HLCS: variants seen among roughly 807,000 people sequenced by gnomAD.
HLCS encodes the protein biotin--protein ligase.
In HLCS, 53 loss-of-function variants were observed where a neutral mutation model predicts 75.0. The ratio of observed to expected loss-of-function variants is 0.71; its 90% CI spans 0.57 to 0.89. The LOEUF is 0.89. Ranked by LOEUF, HLCS falls within the 40% of genes least tolerant of loss-of-function variation. The pLI, the probability that HLCS is intolerant of heterozygous loss-of-function variation, is 0.00. For missense variants in HLCS, 966 were observed against 1,074.0 expected (o/e 0.90, Z 1.41); for synonymous variants, 431 against 428.6 (o/e 1.01, Z -0.07).
chr21:36,886,647 T>TTCC (rs1453048748), intron 6 of HLCS, among the ~76,000 whole-genome samples: 3 of 152,140 alleles, frequency 2.0e-5, no homozygotes, highest in Admixed American at 6.6e-5. Context: ...GATTGAATGT[T>TTCC]TGTGTTCCCT....
chr21:36,946,728 G>C (rs1038899160), intron 2 of HLCS, among the ~76,000 whole-genome samples: 1 of 152,110 alleles, frequency 6.6e-6, no homozygotes, highest in Non-Finnish European at 1.5e-5. Context: ...TTTGGACAAA[G>C]AGAAACTCCA....
chr21:36,830,355 C>G (rs2062159876), intron 6 of HLCS, among the ~76,000 whole-genome samples: 1 of 152,216 alleles, frequency 6.6e-6, no homozygotes, highest in African/African-American at 2.4e-5. Flanking sequence ...CTTTTCCCAT[C>G]CAGTCCTGTG....
At chr21:36,820,626 G>C (rs1249255719) in intron 6 of HLCS, among the ~76,000 whole-genome samples, 1 of 152,224 alleles carries the variant, frequency 6.6e-6, no homozygotes, top group Non-Finnish European at 1.5e-5. Flanking sequence ...ACAAGCACAG[G>C]CTTCTGGGAT....
chr21:36,946,820 G>A (rs1051890566), intron 2 of HLCS, among the ~76,000 whole-genome samples: 1 of 152,124 alleles, frequency 6.6e-6, no homozygotes, highest in Non-Finnish European at 1.5e-5. Context: ...ACACAGCCAA[G>A]GGAAGCAGAA....
chr21:36,935,376 G>A (rs539186356), intron 4 of HLCS, among the ~76,000 whole-genome samples: 28 of 152,108 alleles, frequency 1.8e-4, no homozygotes, highest in African/African-American at 5.5e-4. Flanking sequence ...CAAGTGAGTC[G>A]GCTTTAGAAT....
chr21:36,957,955 C>T (rs2068057021), intron 2 of HLCS, among the ~76,000 whole-genome samples: 3 of 149,026 alleles, frequency 2.0e-5, no homozygotes, highest in South Asian at 2.1e-4. Flanking sequence ...AGGCCGGGCG[C>T]GGTGGCTCAC....
chr21:36,774,982 C>A (rs1199624531), intron 6 of HLCS, among the ~76,000 whole-genome samples: 2 of 152,196 alleles, frequency 1.3e-5, no homozygotes, highest in Middle Eastern at 3.2e-3. Context: ...TGTTGGTATG[C>A]TTTAAATCAT....
At chr21:36,911,058 C>T (rs1396730399) in intron 5 of HLCS, among the ~76,000 whole-genome samples, 1 of 152,202 alleles carries the variant, frequency 6.6e-6, no homozygotes, top group Non-Finnish European at 1.5e-5. Flanking sequence ...GTTTATTTAG[C>T]CCACATTTTG....
At position 36,966,549 on chromosome 21, in the gene HLCS, A is replaced by G. The variant is rs2068598431; in HGVS notation, c.90T>C (p.Arg30=). ...AGAAGGTGAAGGAACAGCGCGAGGC[A>G]CGCAGCCGCCGCACCGTGGCGCGCA... is the stretch of plus-strand genomic sequence containing the variant. The part of the protein sequence containing the change: ...ELVRATVRRL[R]ASRCSFTFCG... The change falls in exon 1 of 11, where the codon CGT becomes CGC. Residue 30 remains arginine, a synonymous_variant. Coordinates refer to ENST00000674895, the MANE Select transcript of HLCS (RefSeq NM_001352514.2). 1 of 1,001,374 alleles carries G rather than the reference A, an allele frequency of 1.0e-6. No individual in the cohort carries two copies. Among genetic ancestry groups the G allele is most frequent in the Non-Finnish European group, 1.2e-6 (1 of 842,748 alleles). 62.0% of individuals were successfully genotyped at this position (1,001,374 alleles called of 1,614,324 possible).
rs1418146881 is a variant in HLCS, at chr21:36,930,263, C to T, written c.1608G>A (p.Leu536=). The T allele has an allele frequency of 4.3e-6, 7 of 1,614,174 alleles. No individual in the cohort carries two copies. The highest frequency in any genetic ancestry group is 5.9e-6 in the Non-Finnish European group (7 of 1,180,020). Residue 536 remains leucine, a synonymous_variant, in exon 5 of 11, where the codon CTG becomes CTA. Coordinates refer to ENST00000674895, the MANE Select transcript of HLCS (RefSeq NM_001352514.2). ...GCCCACAACTCACCTCCGCAGCTGA[C>T]AGCAAGTAAAGAGGAGTTAAGGCAG... ...QVPALTPLYL[L]SAAEEIRDPL... is the part of the protein sequence containing the mutation.
chr21:36,830,953 A>T (rs1363164761), intron 6 of HLCS, among the ~76,000 whole-genome samples: 1 of 151,840 alleles, frequency 6.6e-6, no homozygotes, highest in African/African-American at 2.4e-5. Context: ...GGGAGGAATC[A>T]CCCTAAGGCA....
At chr21:36,924,446 GC>G (rs1278571409) in intron 5 of HLCS, among the ~76,000 whole-genome samples, 1 of 152,156 alleles carries the variant, frequency 6.6e-6, no homozygotes, top group African/African-American at 2.4e-5. Context: ...TGTAACCCCA[GC>G]TACTTGGGAG....
At chr21:36,934,795 C>A (rs1352799343) in intron 4 of HLCS, among the ~76,000 whole-genome samples, 1 of 152,054 alleles carries the variant, frequency 6.6e-6, no homozygotes, top group African/African-American at 2.4e-5. Context: ...AACTAACCAG[C>A]CTGTGATAAT....
chr21:36,905,513 CTCT>C (rs1274499236), intron 5 of HLCS, among the ~76,000 whole-genome samples: 1 of 152,216 alleles, frequency 6.6e-6, no homozygotes, highest in South Asian at 2.1e-4. Flanking sequence ...TTTAGTATTT[CTCT>C]TCTTCTAGGA....
chr21:36,805,943 C>T (rs1482194184), intron 6 of HLCS: 2 of 152,118 alleles, frequency 1.3e-5, no homozygotes, highest in African/African-American at 4.8e-5. Context: ...CTTCATGGGC[C>T]CAGGGACAAT....
intron 6 of HLCS, among the ~76,000 whole-genome samples, chr21:36,859,559 T>G (rs1446670219): frequency 2.6e-5 from 4 of 152,192 alleles, no homozygotes; most frequent in Admixed American, 2.6e-4. Context: ...GGACTGAGTT[T>G]TGCAGAGGTA....
intron 6 of HLCS, among the ~76,000 whole-genome samples, chr21:36,821,738 C>T (rs1601397888): frequency 6.6e-6 from 1 of 152,134 alleles, no homozygotes. Flanking sequence ...AGACTGAAGA[C>T]TTGTTGCTGA....
At position 36,938,847 on chromosome 21, in the gene HLCS, G is replaced by A. The variant is rs1189047789; in HGVS notation, c.478C>T (p.Pro160Ser). 1 of 1,613,960 alleles carries A rather than the reference G, an allele frequency of 6.2e-7. No homozygotes were observed. Among genetic ancestry groups the A allele is most frequent in the East Asian group, 2.2e-5 (1 of 44,882 alleles). The change falls in exon 3 of 11, where the codon CCC becomes TCC. Residue 160 changes from proline (P) to serine (S), a missense_variant. By Grantham distance (74) the Pro-to-Ser change is moderately conservative. Coordinates refer to ENST00000674895, the MANE Select transcript of HLCS (RefSeq NM_001352514.2). ...DRLHMDNGLVPQKIVSVHLQD... is the reference protein window; with the variant it reads ...DRLHMDNGLVSQKIVSVHLQD... Reference sequence around the variant, plus strand: ...AGTTACTTACACACAATCTTTTGGGGTACCAGTCCATTATCCATGTGGAGT... The same window carrying A: ...AGTTACTTACACACAATCTTTTGGGATACCAGTCCATTATCCATGTGGAGT...
chr21:36,966,727 C>CG (rs2068615845), upstream of HLCS: 17 of 537,908 alleles, frequency 3.2e-5, no homozygotes, highest in Non-Finnish European at 4.0e-5. Flanking sequence ...GGCCGCGCCG[C>CG]CCCCCCGGGC....
Sources: allele counts gnomAD v4.1 joint callset (sites outside exome capture counted in the v4.1 genomes callset), GRCh38; gene constraint gnomAD v4.1.1; transcripts MANE v1.5; gene names NCBI Gene and HGNC (gene_info 2026-07-23, HGNC 2026-07-21).